The following OSBPL3 variants were observed in gnomAD, a reference collection of about 807,000 sequenced individuals.
OSBPL3 encodes oxysterol-binding protein-related protein 3.
OSBPL3 carries 65 observed loss-of-function variants against 120.1 expected under a neutral mutation model. The observed-to-expected ratio is 0.54, with a 90% CI of 0.44 to 0.67. The LOEUF (loss-of-function observed/expected upper bound fraction) is 0.67. Ranked by LOEUF, OSBPL3 falls within the 30% of genes least tolerant of loss-of-function variation. OSBPL3 has a pLI of 0.00. For missense variants in OSBPL3, 1,004 were observed against 1,082.1 expected (o/e 0.93, Z 1.01); for synonymous variants, 416 against 402.6 (o/e 1.03, Z -0.40).
In OSBPL3 at chr7:24,892,450, A is replaced by G; in HGVS notation, c.23T>C (p.Leu8Pro). Reference protein sequence around the residue: MMSDEKNLGVSQKLVSPS... With the variant: MMSDEKNPGVSQKLVSPS... ...TGATACCAATTTTTGGGACACACCA[A>G]GGTTCTTCTCATCACTCATCATGGA... Residue 8 changes from leucine (L) to proline (P), a missense_variant, in exon 2 of 23, where the codon CTT (leucine) becomes CCT (proline). Leu to Pro is a moderately conservative substitution (Grantham distance 98, BLOSUM62 -3). Transcript: ENST00000313367. 1 of 1,613,822 alleles carries G rather than the reference A, an allele frequency of 6.2e-7. No homozygotes were observed. The highest frequency in any genetic ancestry group is 8.5e-7 in the Non-Finnish European group (1 of 1,179,744).
chr7:24,938,938 G>C lies in OSBPL3; in HGVS notation c.-150+40948C>G, dbSNP rs1397473180. On this transcript the variant is annotated intron_variant, in intron 1 of 22. Coordinates refer to ENST00000313367, the MANE Select transcript of OSBPL3 (RefSeq NM_015550.4). This position sits in a 1 kb window ranked among gnomAD's most constrained non-coding sequence, Gnocchi z 5.8. ...AACATTATTTGACATAGTAAATGAT[G>C]TGATTAATTAAGATGCAGAACACAA... Among the ~76,000 whole-genome samples the C allele has an allele frequency of 6.6e-6, 1 of 151,992 alleles. No homozygotes were observed. The highest frequency in any genetic ancestry group is 2.4e-5 in the African/African-American group (1 of 41,382).
chr7:24,840,918 G>C lies in OSBPL3; in HGVS notation c.1402-135C>G, dbSNP rs968159042. On this transcript the variant is annotated intron_variant, in intron 13 of 22. Transcript: ENST00000313367. ...ACTCTTGGGTACTGTTTTCATAAAG[G>C]TCCATATACCAATCTGCCAAGGAGG... 2.6e-5 allele frequency: 14 copies of C among 532,370 alleles called. No homozygotes were observed. In the African/African-American group the frequency reaches 2.8e-4, roughly 11 times the overall value. 33.0% of individuals were successfully genotyped at this position (532,370 alleles called of 1,614,324 possible).
In OSBPL3 at chr7:24,948,025, G is replaced by A. The variant is rs77979556; in HGVS notation, c.-150+31861C>T. Among the ~76,000 whole-genome samples, 1,063 of 152,008 alleles carry A rather than the reference G, an allele frequency of 7.0e-3. 12 individuals carry two copies. The highest frequency in any genetic ancestry group is 0.024 in the African/African-American group (997 of 41,428). ...AGAAATAAAAAAATCAAACTAAGAC[G>A]ACCTATCATATACCATACAGCAAGC... On this transcript the variant is annotated intron_variant, in intron 1 of 22. Coordinates refer to ENST00000313367, the MANE Select transcript of OSBPL3 (RefSeq NM_015550.4).
In OSBPL3 at chr7:24,804,501, A is replaced by G; in HGVS notation, c.2445-64T>C. The G allele has an allele frequency of 3.3e-6, 5 of 1,505,508 alleles. No individual in the cohort carries two copies. The highest frequency in any genetic ancestry group is 4.6e-6 in the Non-Finnish European group (5 of 1,098,210). The allele number at this position is 1,505,508 out of a possible 1,614,324, so 93.3% of individuals were successfully genotyped here. A position where few individuals can be genotyped will look rare whatever the true frequency, so the allele number is the denominator to read the frequency against. On this transcript the variant is annotated intron_variant, in intron 21 of 22. Coordinates refer to ENST00000313367, the MANE Select transcript of OSBPL3 (RefSeq NM_015550.4). This position sits in a 1 kb window ranked among gnomAD's most constrained non-coding sequence, Gnocchi z 5.4. ...TCAAGAAAACAAAACAATCATTACT[A>G]CTCAACTTGCATGTGTCCACGACTG...
rs1814927320 is a variant in OSBPL3 at position 24,955,459 on chromosome 7, T to A, written c.-150+24427A>T. On this transcript the variant is annotated intron_variant, in intron 1 of 22. Transcript: ENST00000313367. This position sits in a 1 kb window ranked among gnomAD's most constrained non-coding sequence, Gnocchi z 4.3. Reference sequence around the variant, plus strand: ...TCTCACAGAGCTTCCATTCTAGTGATTCTCCCTGGCTGTTCTGTGGAGGAG... The same window carrying A: ...TCTCACAGAGCTTCCATTCTAGTGAATCTCCCTGGCTGTTCTGTGGAGGAG... 6.6e-6 allele frequency among the ~76,000 whole-genome samples: 1 copy of A among 152,248 alleles called. No homozygotes were observed. The highest frequency in any genetic ancestry group is 6.5e-5 in the Admixed American group (1 of 15,286).
chr7:24,823,333 T>TA (rs1795334260), intron 16 of OSBPL3, among the ~76,000 whole-genome samples: 1 of 132,318 alleles, frequency 7.6e-6, no homozygotes, highest in African/African-American at 2.5e-5. Flanking sequence ...TAAAAGAGAC[T>TA]AAGTGAAAAT....
chr7:24,888,146 G>T (rs1465742910), intron 2 of OSBPL3, among the ~76,000 whole-genome samples: 1 of 152,088 alleles, frequency 6.6e-6, no homozygotes, highest in African/African-American at 2.4e-5. Context: ...TACTGTAAAA[G>T]TTCCTGGGAG....
chr7:24,934,512 C>T (rs1027468248), intron 1 of OSBPL3, among the ~76,000 whole-genome samples: 4 of 152,234 alleles, frequency 2.6e-5, no homozygotes, highest in African/African-American at 4.8e-5. Flanking sequence ...TCTTTTGGCC[C>T]CCAACCACTA....
intron 1 of OSBPL3, among the ~76,000 whole-genome samples, chr7:24,915,490 A>G (rs1371135682): frequency 1.3e-5 from 2 of 152,010 alleles, no homozygotes; most frequent in Non-Finnish European, 2.9e-5. Flanking sequence ...ATCCTCAAAC[A>G]TGAAATGTTT....
intron 2 of OSBPL3, 49 bp downstream of exon 2, chr7:24,892,328 C>G (rs756015556): frequency 6.3e-7 from 1 of 1,589,870 alleles, no homozygotes; most frequent in African/African-American, 1.3e-5. Context: ...AACCAGCAAA[C>G]TTGATGGCTT....
At chr7:24,948,853 CAT>C (rs1430611362) in intron 1 of OSBPL3, among the ~76,000 whole-genome samples, 2 of 152,182 alleles carry the variant, frequency 1.3e-5, no homozygotes, top group Non-Finnish European at 2.9e-5. Flanking sequence ...AATTATGAGT[CAT>C]CACAGGAAAT....
At chr7:24,844,796 C>A (rs898640447) in intron 12 of OSBPL3, among the ~76,000 whole-genome samples, 3 of 151,812 alleles carry the variant, frequency 2.0e-5, no homozygotes, top group African/African-American at 7.3e-5. Context: ...TGGACGTGGC[C>A]CCTATTAACT....
At chr7:24,943,674 T>C (rs1220854281) in intron 1 of OSBPL3, among the ~76,000 whole-genome samples, 1 of 152,190 alleles carries the variant, frequency 6.6e-6, no homozygotes, top group Non-Finnish European at 1.5e-5. Flanking sequence ...AGATTCAATT[T>C]TGAAACAGAT....
chr7:24,840,591 G>C, intron 14 of OSBPL3, 99 bp downstream of exon 14: 1 of 518,192 alleles, frequency 1.9e-6, no homozygotes, highest in East Asian at 3.4e-5. Context: ...TGGGGTATCA[G>C]CACCTTGAAC....
In OSBPL3 at chr7:24,871,955, T is replaced by C; in HGVS notation, c.211A>G (p.Lys71Glu). The stretch of plus-strand genomic sequence containing the variant: ...GGGGAGGCCAAGACCAACCTTACCT[T>C]ATGCCAGCCTTTTAAGGGCCACTTC... ...KRKWPLKGWH[K>E]RFFYLDKGIL... Residue 71 changes from lysine (K) to glutamate (E), a missense_variant and splice_region_variant, in exon 3 of 23, where the codon AAG (lysine) becomes GAG (glutamate). Lys to Glu is a moderately conservative substitution (Grantham distance 56). Around this residue, in one of 4 missense-constraint regions of OSBPL3, gnomAD observed 255 missense variants for 248.7 expected, o/e 1.03. Transcript: ENST00000313367. The surrounding 1 kb of genome is among the most constrained non-coding windows in gnomAD (Gnocchi z 4.8). The C allele has an allele frequency of 1.2e-6, 2 of 1,609,786 alleles. No homozygotes were observed. The highest frequency in any genetic ancestry group is 1.7e-6 in the Non-Finnish European group (2 of 1,176,288).
At chr7:24,931,194 A>G (rs1811749258) in intron 1 of OSBPL3, among the ~76,000 whole-genome samples, 1 of 152,214 alleles carries the variant, frequency 6.6e-6, no homozygotes, top group South Asian at 2.1e-4. Context: ...AATGTTTGTG[A>G]GCAGACTGAA....
At position 24,797,258 on chromosome 7, in the gene OSBPL3, T is replaced by C. The variant is rs560040696; in HGVS notation, c.*2925A>G. 2.0e-5 allele frequency: 3 copies of C among 152,320 alleles called. No homozygotes were observed. Among genetic ancestry groups the C allele is most frequent in the Middle Eastern group, 3.4e-3 (1 of 294 alleles). The allele number at this position is 152,320 out of a possible 1,614,324, so 9.4% of individuals were successfully genotyped here. ...CAAACAAATGATTTACTACAAGTAA[T>C]TAAAAGCAGAATATGAGAAAAGCAG... On this transcript the variant is annotated 3_prime_UTR_variant, in exon 23 of 23. Transcript: ENST00000313367. The surrounding 1 kb of genome is among the most constrained non-coding windows in gnomAD (Gnocchi z 4.8).
rs1806722646 is a variant in OSBPL3 at position 24,899,859 on chromosome 7, A to T, written c.-149-7238T>A. ...TGCTCCACTTTAGATGAGTTGAATC[A>T]GAATTTCTATCTAGAGACGGGCCTG... On this transcript the variant is annotated intron_variant, in intron 1 of 22. Transcript: ENST00000313367. This position sits in a 1 kb window ranked among gnomAD's most constrained non-coding sequence, Gnocchi z 4.0. 6.6e-6 allele frequency among the ~76,000 whole-genome samples: 1 copy of T among 152,276 alleles called. No individual in the cohort carries two copies. The highest frequency in any genetic ancestry group is 2.4e-5 in the African/African-American group (1 of 41,474).
chr7:24,956,261 C>T (rs75172239), intron 1 of OSBPL3, among the ~76,000 whole-genome samples: 2 of 152,270 alleles, frequency 1.3e-5, no homozygotes, highest in Non-Finnish European at 2.9e-5. Context: ...GACTCAGCCT[C>T]AAAGGTGCCA....
Sources: allele counts gnomAD v4.1 joint callset (sites outside exome capture counted in the v4.1 genomes callset), GRCh38; gene constraint gnomAD v4.1.1; regional missense constraint gnomAD v4.1.1; non-coding constraint Gnocchi (gnomAD v3.1); transcripts MANE v1.5; gene names NCBI Gene and HGNC (gene_info 2026-07-23, HGNC 2026-07-21).